The following TTN variants were observed in gnomAD, a reference collection of about 807,000 sequenced individuals.
The protein encoded by TTN is titin, also known as connectin.
In TTN, 1,525 loss-of-function variants were observed where a neutral mutation model predicts 3,223.0. That is an observed-to-expected ratio of 0.47 (90% CI 0.45 to 0.49). The LOEUF is 0.49. TTN is among the 20% of genes least tolerant of loss of function. The pLI is 0.00. For synonymous variants in TTN, 14,094 were observed against 15,161.0 expected (o/e 0.93, Z 5.17); for missense variants, 40,786 against 43,424.0 (o/e 0.94, Z 5.40).
At chr2:178,733,959 A>G (rs1254053744) in intron 52 of TTN, 67 bp from the exon 53 acceptor site, 1 of 1,431,446 alleles carries the variant, frequency 7.0e-7, no homozygotes, top group East Asian at 2.4e-5. Context: ...ATCTATATTT[A>G]AGAGTTTTTT....
Position 178,684,741 on chromosome 2 carries a change from C to A in TTN, c.32563G>T (p.Glu10855Ter). ...TTTTCTGGAACTGGTTTCTTTGGCTCTTCTGGCACTTAAAAGATACCAGGC... is the reference window on the plus strand; with the variant it reads ...TTTTCTGGAACTGGTTTCTTTGGCTATTCTGGCACTTAAAAGATACCAGGC... Reference protein sequence around the residue: ...EKVPPPKVPEEPKKPVPEKKV... With the variant: ...EKVPPPKVPE The change falls in exon 131 of 363, where the codon GAG (glutamate) becomes TAG (stop). Residue 10855 changes from glutamate (E) to a stop codon, truncating the protein, a stop_gained. Transcript: ENST00000589042. LOFTEE classifies it high-confidence loss of function. 5 of 1,613,396 alleles carry A rather than the reference C, an allele frequency of 3.1e-6. No individual in the cohort carries two copies. Among genetic ancestry groups the A allele is most frequent in the Non-Finnish European group, 4.2e-6 (5 of 1,179,640 alleles).
At chr2:178,719,882 A>T in intron 81 of TTN, 50 bp from the exon 82 acceptor site, 1 of 1,561,474 alleles carries the variant, frequency 6.4e-7, no homozygotes, top group Non-Finnish European at 8.7e-7. Context: ...TTTCAAACTC[A>T]AGAGTGCAAT....
Position 178,647,371 on chromosome 2 carries a change from A to G in TTN, c.40141+10T>C, listed in dbSNP as rs531296261. The stretch of plus-strand genomic sequence containing the variant: ...GTCATCTTTCCAAGATTTATGGAGA[A>G]GCCGTGTACCTTCAGCAGGTGGAAC... On this transcript the variant is annotated intron_variant, in intron 214 of 362. Transcript: ENST00000589042. 1.3e-6 allele frequency: 2 copies of G among 1,548,962 alleles called. No individual in the cohort carries two copies. The highest frequency in any genetic ancestry group is 1.7e-6 in the Non-Finnish European group (2 of 1,146,136).
rs760840528 is a variant in TTN at position 178,776,418 on chromosome 2, T to C, written c.5446A>G (p.Ile1816Val). The change falls in exon 28 of 363, where the codon ATT (isoleucine) becomes GTT (valine). Residue 1816 changes from isoleucine (I) to valine (V), a missense_variant. Transcript: ENST00000589042. ...LPEGRKGLQR[I>V]EELERMAHEG... Reference sequence around the variant, plus strand: ...TGAGCCATTCTCTCTAATTCTTCAATTCTCTGTAAGCCTTTCCTCCCCTCA... The same window carrying C: ...TGAGCCATTCTCTCTAATTCTTCAACTCTCTGTAAGCCTTTCCTCCCCTCA... The C allele has an allele frequency of 2.5e-6, 4 of 1,611,244 alleles. No individual in the cohort carries two copies. The highest frequency in any genetic ancestry group is 3.3e-5 in the Admixed American group (2 of 60,014).
chr2:178,678,903 G>A, intron 142 of TTN, 73 bp from the exon 143 acceptor site: 2 of 1,200,706 alleles, frequency 1.7e-6, no homozygotes, highest in Non-Finnish European at 2.4e-6. Flanking sequence ...GGCAATGTAA[G>A]GCCTTAACTG....
At position 178,647,095 on chromosome 2, in the gene TTN, G is replaced by A. The variant is rs1361052206; in HGVS notation, c.40191C>T (p.Thr13397=). 2.9e-6 allele frequency: 4 copies of A among 1,388,998 alleles called. No homozygotes were observed. Among genetic ancestry groups the A allele is most frequent in the Non-Finnish European group, 3.8e-6 (4 of 1,060,396 alleles). The allele number at this position is 1,388,998 out of a possible 1,614,324, so 86.0% of individuals were successfully genotyped here. Residue 13397 remains threonine, a synonymous_variant, in exon 215 of 363, where the codon ACC becomes ACT. Transcript: ENST00000589042. Reference sequence around the variant, plus strand: ...CAGGGGGAGTCTCTTTTCTACCAATGGTTATAGATGCTTTTTCTTCATATA... The same window carrying A: ...CAGGGGGAGTCTCTTTTCTACCAATAGTTATAGATGCTTTTTCTTCATATA... ...EIIYEEKASI[T]IGRKETPPVE...
In TTN at chr2:178,740,780, C is replaced by T; in HGVS notation, c.12453G>A (p.Gln4151=). The change falls in exon 48 of 363, where the codon CAG becomes CAA. Residue 4151 remains glutamine, a synonymous_variant. Transcript: ENST00000589042. Reference sequence around the variant, plus strand: ...TTTTCTGGGACTGTACAATCTGCAGCTGTAGGTTGGGAGATGGTTCCTTGA... The same window carrying T: ...TTTTCTGGGACTGTACAATCTGCAGTTGTAGGTTGGGAGATGGTTCCTTGA... ...QPLKEPSPNL[Q]LQIVQSQKTF... 3 of 1,613,514 alleles carry T rather than the reference C, an allele frequency of 1.9e-6. No homozygotes were observed. The highest frequency in any genetic ancestry group is 1.7e-6 in the Non-Finnish European group (2 of 1,179,684).
At chr2:178,690,710 C>T (rs559104873) in intron 121 of TTN, among the ~76,000 whole-genome samples, 25 of 152,162 alleles carry the variant, frequency 1.6e-4, no homozygotes, top group African/African-American at 3.6e-4. Flanking sequence ...CACCTCTGCA[C>T]GTGCATTTGT....
intron 47 of TTN, chr2:178,750,490 A>C: frequency 6.2e-7 from 1 of 1,612,952 alleles, no homozygotes; most frequent in Non-Finnish European, 8.5e-7. Context: ...TAGGTTGAGG[A>C]TATCCTTGAA....
chr2:178,554,214 T>C lies in TTN; in HGVS notation c.88897A>G (p.Thr29633Ala). 6.3e-7 allele frequency: 1 copy of C among 1,581,574 alleles called. No homozygotes were observed. The highest frequency in any genetic ancestry group is 8.6e-7 in the Non-Finnish European group (1 of 1,167,802). Residue 29633 changes from threonine (T) to alanine (A), a missense_variant and splice_region_variant, in exon 333 of 363, where the codon ACA becomes GCA. Transcript: ENST00000589042. ...TCTGGTATGCCTGGTGGCCCAGGTG[T>C]AACTATTTAGAAAGGAAGGGAAAAC... ...DSVVAKNAFV[T>A]PGPPGIPEVT...
chr2:178,665,023 T>C (rs1388402249), intron 165 of TTN, 97 bp from the exon 166 acceptor site: 1 of 1,364,356 alleles, frequency 7.3e-7, no homozygotes, highest in African/African-American at 1.5e-5. Flanking sequence ...TTTTCTTCTC[T>C]TTCCTCCATC....
intron 88 of TTN, among the ~76,000 whole-genome samples, chr2:178,716,009 A>C (rs1457284617): frequency 6.6e-6 from 1 of 152,096 alleles, no homozygotes; most frequent in Non-Finnish European, 1.5e-5. Flanking sequence ...AGAAAAAGAC[A>C]TTACTCTTTA....
Position 178,587,722 on chromosome 2 carries a change from G to C in TTN, c.63587C>G (p.Ala21196Gly), listed in dbSNP as rs1460483373. Residue 21196 changes from alanine (A) to glycine (G), a missense_variant, in exon 306 of 363, where the codon GCT (alanine) becomes GGT (glycine). Transcript: ENST00000589042. ...AGGGGCTGGTCGTCCTCTCACTATAGCAAAGAGACGAATAGGGCATCCTGC... is the reference window on the plus strand; with the variant it reads ...AGGGGCTGGTCGTCCTCTCACTATACCAAAGAGACGAATAGGGCATCCTGC... ...VRAGCPIRLF[A>G]IVRGRPAPKV... 6.2e-7 allele frequency: 1 copy of C among 1,612,776 alleles called. No individual in the cohort carries two copies. Among genetic ancestry groups the C allele is most frequent in the East Asian group, 2.2e-5 (1 of 44,642 alleles).
At position 178,543,575 on chromosome 2, in the gene TTN, C is replaced by CCAT. The variant is rs1399401514; in HGVS notation, c.96395_96397dup (p.Asp32132dup). 6.2e-7 allele frequency: 1 copy of CCAT among 1,609,456 alleles called. No homozygotes were observed. The highest frequency in any genetic ancestry group is 2.2e-5 in the East Asian group (1 of 44,800). ...GATGTAATTGTTGACTGGAGCTCCA[C>CCAT]CATCAATCGTGGGAATTTCCCAAGT... is the stretch of plus-strand genomic sequence containing the variant. On this transcript the variant is annotated inframe_insertion, in exon 347 of 363. Transcript: ENST00000589042.
At chr2:178,686,654 A>G (rs1328350225) in intron 127 of TTN, among the ~76,000 whole-genome samples, 1 of 151,994 alleles carries the variant, frequency 6.6e-6, no homozygotes, top group Admixed American at 6.6e-5. Flanking sequence ...TGCTCAAGCA[A>G]TCCTCCCTTC....
At position 178,580,462 on chromosome 2, in the gene TTN, A is replaced by T; in HGVS notation, c.66917T>A (p.Ile22306Asn). 1.2e-6 allele frequency: 2 copies of T among 1,613,088 alleles called. No individual in the cohort carries two copies. Residue 22306 changes from isoleucine to asparagine, a missense_variant, in exon 317 of 363, where the codon ATT (isoleucine) becomes AAT (asparagine). Transcript: ENST00000589042. The part of the protein sequence containing the change: ...SKPNVNLRDR[I>N]GLDIKSTDFD... ...GTCAGTTGACTTTATGTCCAGTCCA[A>T]TCCTGTCTCTTAGATTGACATTTGG...
chr2:178,707,503 T>A (rs779730164), intron 100 of TTN, 23 bp downstream of exon 100: 15 of 1,597,786 alleles, frequency 9.4e-6, no homozygotes, highest in Non-Finnish European at 1.2e-5. Context: ...TTGAGCTGCA[T>A]AATACTTTTG....
rs2054184713 is a variant in TTN, at chr2:178,604,126, C to G, written c.54561G>C (p.Trp18187Cys). 6.2e-7 allele frequency: 1 copy of G among 1,612,348 alleles called. No individual in the cohort carries two copies. The highest frequency in any genetic ancestry group is 1.3e-5 in the African/African-American group (1 of 74,826). Residue 18187 changes from tryptophan (W) to cysteine (C), a missense_variant, in exon 282 of 363, where the codon TGG becomes TGC. Transcript: ENST00000589042. ...AGCCACCATTGTCCAAAGGAGGAGT[C>G]CAGCTCACTAGCATTGATCCTTTGG... ...ARTKGSMLVS[W>C]TPPLDNGGSP...
In TTN at chr2:178,561,457, A is replaced by ATAC; in HGVS notation, c.84672_84674dup (p.Met28224_Tyr28225insTer). 1 of 1,613,406 alleles carries ATAC rather than the reference A, an allele frequency of 6.2e-7. No individual in the cohort carries two copies. Among genetic ancestry groups the ATAC allele is most frequent in the Non-Finnish European group, 8.5e-7 (1 of 1,179,388 alleles). On this transcript the variant is annotated stop_gained, in exon 326 of 363. Transcript: ENST00000589042. LOFTEE classifies it high-confidence loss of function. ...TATTTTCAGCATATACACGATACTC[A>ATAC]TACATCAGTCCTTCATCAAGGCCGG...
Sources: allele counts gnomAD v4.1 joint callset (sites outside exome capture counted in the v4.1 genomes callset), GRCh38; gene constraint gnomAD v4.1.1; transcripts MANE v1.5; gene names NCBI Gene and HGNC (gene_info 2026-07-23, HGNC 2026-07-21).